The following ZNF45 variants were observed in gnomAD, a reference collection of about 807,000 sequenced individuals.
ZNF45 encodes the protein zinc finger protein 45, also known as BRC1744.
In ZNF45, 4 loss-of-function variants were observed where a neutral mutation model predicts 12.0. That is an observed-to-expected ratio of 0.33 (90% CI 0.16 to 0.76). ZNF45 has a LOEUF of 0.76. ZNF45 is among the 30% of genes least tolerant of loss of function. ZNF45 has a pLI of 0.60. For missense variants in ZNF45, 700 were observed against 813.0 expected, an observed-to-expected ratio of 0.86 and a Z score of 1.69; for synonymous variants, 272 against 279.6, an observed-to-expected ratio of 0.97 and a Z score of 0.27.
At position 43,914,753 on chromosome 19, in the gene ZNF45, C is replaced by T. The variant is rs1274281257; in HGVS notation, c.683G>A (p.Ser228Asn). Residue 228 changes from serine (S) to asparagine (N), a missense_variant, in exon 10 of 10, where the codon AGT becomes AAT. By Grantham distance (46) the Ser-to-Asn change is conservative. Transcript: ENST00000269973. Reference protein sequence around the residue: ...KSYTNDASYRSFSQRSHLPHH... With the variant: ...KSYTNDASYRNFSQRSHLPHH... ...GGGAAGATGTGACCTCTGACTAAAA[C>T]TCCTGTAACTTGCATCATTTGTGTA... The T allele has an allele frequency of 1.9e-6, 3 of 1,614,062 alleles. No homozygotes were observed. Among genetic ancestry groups the T allele is most frequent in the Non-Finnish European group, 2.5e-6 (3 of 1,180,058 alleles).
intron 9 of ZNF45, among the ~76,000 whole-genome samples, chr19:43,917,629 G>A (rs768926717): frequency 6.6e-6 from 1 of 152,126 alleles, no homozygotes; most frequent in Non-Finnish European, 1.5e-5. Flanking sequence ...GGGGTTACAG[G>A]TATGCGCCAC....
intron 9 of ZNF45, among the ~76,000 whole-genome samples, chr19:43,916,268 T>C (rs398193): frequency 0.49 from 73,798 of 151,860 alleles, 18,850 homozygotes; most frequent in East Asian, 0.81. Flanking sequence ...AAGCACACCA[T>C]CACACCTGGC....
intron 3 of ZNF45, chr19:43,929,924 T>G (rs1297079827): frequency 6.6e-6 from 1 of 152,230 alleles, no homozygotes; most frequent in Non-Finnish European, 1.5e-5. Context: ...CAACCTCTTC[T>G]GCATAGGCTG....
chr19:43,914,052 G>A lies in ZNF45; in HGVS notation c.1384C>T (p.His462Tyr). The change falls in exon 10 of 10, where the codon CAT becomes TAT. Residue 462 changes from histidine (H) to tyrosine (Y), a missense_variant. Coordinates refer to ENST00000269973, the MANE Select transcript of ZNF45 (RefSeq NM_003425.4). ...GFSQASNLLA[H>Y]QRGHTGEKPY... ...TTCTCTCCAGTGTGGCCTCTTTGAT[G>A]GGCCAGAAGATTTGAGGCCTGGCTG... is the stretch of plus-strand genomic sequence containing the variant. The A allele has an allele frequency of 6.2e-7, 1 of 1,614,132 alleles. No individual in the cohort carries two copies. The highest frequency in any genetic ancestry group is 8.5e-7 in the Non-Finnish European group (1 of 1,180,012).
At chr19:43,920,537 G>A (rs1384338798) in intron 7 of ZNF45, among the ~76,000 whole-genome samples, 4 of 48,864 alleles carry the variant, frequency 8.2e-5, no homozygotes, top group South Asian at 1.1e-3. Flanking sequence ...TTGCCGGGTG[G>A]GGGGGGGGGG....
rs566885455 is a variant in ZNF45, at chr19:43,925,886, G to T, written c.-399-428C>A. On this transcript the variant is annotated intron_variant, in intron 3 of 9. Coordinates refer to ENST00000269973, the MANE Select transcript of ZNF45 (RefSeq NM_003425.4). ...GACCTCAAGTGATCCACCCGCCTTG[G>T]CCTCCCAAAGTGCTGGGATTATAGG... 2.6e-5 allele frequency among the ~76,000 whole-genome samples: 4 copies of T among 151,834 alleles called. No individual in the cohort carries two copies. The East Asian group carries it at 5.8e-4, about 22-fold the overall frequency.
chr19:43,929,786 C>T (rs1391866918), intron 3 of ZNF45, among the ~76,000 whole-genome samples: 1 of 152,180 alleles, frequency 6.6e-6, no homozygotes, highest in Non-Finnish European at 1.5e-5. Flanking sequence ...AATCTTCTTG[C>T]AGGAACCAAG....
intron 9 of ZNF45, 146 bp downstream of exon 9, chr19:43,918,724 C>G (rs537228299): frequency 1.4e-5 from 9 of 651,626 alleles, no homozygotes; most frequent in African/African-American, 1.3e-4. Context: ...TCCAAAAGCA[C>G]CCAATAAATT....
chr19:43,919,054 A>C (rs1295679764), intron 8 of ZNF45, 92 bp from the exon 9 acceptor site: 7 of 1,032,356 alleles, frequency 6.8e-6, no homozygotes, highest in African/African-American at 1.6e-5. Context: ...TCTTCAGGAC[A>C]TCAAACTTAG....
rs750527925 is a variant in ZNF45 at position 43,913,645 on chromosome 19, G to C, written c.1791C>G (p.Ser597=). 27 of 1,612,330 alleles carry C rather than the reference G, an allele frequency of 1.7e-5. No individual in the cohort carries two copies. The highest frequency in any genetic ancestry group is 2.3e-5 in the Non-Finnish European group (27 of 1,179,600). Residue 597 remains serine, a synonymous_variant, in exon 10 of 10, where the codon TCC becomes TCG. Coordinates refer to ENST00000269973, the MANE Select transcript of ZNF45 (RefSeq NM_003425.4). ...GGACCCTCTGGTGGGCTTGAAGGTA[G>C]GATCTCTGTCTGAAGCGCTTACCAC... ...DVCGKRFRQR[S]YLQAHQRVHT...
chr19:43,916,355 A>G (rs1432636051), intron 9 of ZNF45, among the ~76,000 whole-genome samples: 3 of 152,142 alleles, frequency 2.0e-5, no homozygotes, highest in South Asian at 2.1e-4. Context: ...AGCTCAAGCT[A>G]TCCACCTGCC....
intron 9 of ZNF45, among the ~76,000 whole-genome samples, chr19:43,915,841 T>G (rs1972617476): frequency 6.6e-6 from 1 of 152,164 alleles, no homozygotes; most frequent in African/African-American, 2.4e-5. Flanking sequence ...GTGCCAAGAT[T>G]GGGGATCACT....
At chr19:43,918,473 G>A (rs940504033) in intron 9 of ZNF45, among the ~76,000 whole-genome samples, 42 of 152,150 alleles carry the variant, frequency 2.8e-4, no homozygotes, top group African/African-American at 1.0e-3. Context: ...CCTTATAAAA[G>A]AGGCCTGAGA....
chr19:43,919,247 A>T (rs1261778387), intron 8 of ZNF45, among the ~76,000 whole-genome samples: 2 of 152,214 alleles, frequency 1.3e-5, no homozygotes, highest in African/African-American at 4.8e-5. Context: ...AGTTATTGCC[A>T]AGTGCTCTGA....
At chr19:43,929,374 T>G (rs1973943449) in intron 3 of ZNF45, among the ~76,000 whole-genome samples, 1 of 152,242 alleles carries the variant, frequency 6.6e-6, no homozygotes, top group Non-Finnish European at 1.5e-5. Context: ...TACTGGCTAT[T>G]TGATATCTGC....
intron 7 of ZNF45, among the ~76,000 whole-genome samples, chr19:43,921,379 G>A (rs1973165765): frequency 6.6e-6 from 1 of 152,140 alleles, no homozygotes; most frequent in Non-Finnish European, 1.5e-5. Flanking sequence ...AATAAAATAA[G>A]TTAACATAAG....
intron 3 of ZNF45, among the ~76,000 whole-genome samples, chr19:43,929,623 A>C (rs1973964200): frequency 6.6e-6 from 1 of 152,090 alleles, no homozygotes; most frequent in African/African-American, 2.4e-5. Flanking sequence ...CATTGGCATT[A>C]ATCTCTCCAT....
intron 2 of ZNF45, among the ~76,000 whole-genome samples, chr19:43,933,987 G>T (rs1974332522): frequency 6.6e-6 from 1 of 152,060 alleles, no homozygotes; most frequent in Non-Finnish European, 1.5e-5. Flanking sequence ...GATCTCAAAT[G>T]GCTCCTCTGC....
In ZNF45 at chr19:43,914,630, A is replaced by G; in HGVS notation, c.806T>C (p.Val269Ala). 1 of 1,613,742 alleles carries G rather than the reference A, an allele frequency of 6.2e-7. No individual in the cohort carries two copies. The highest frequency in any genetic ancestry group is 8.5e-7 in the Non-Finnish European group (1 of 1,179,772). ...KSSHCQAPLI[V>A]HTGEKPYKCE... The stretch of plus-strand genomic sequence containing the variant: ...TTTATAGGGTTTCTCTCCCGTATGA[A>G]CTATCAGAGGAGCTTGACAATGTGA... Residue 269 changes from valine (V) to alanine (A), a missense_variant, in exon 10 of 10, where the codon GTT (valine) becomes GCT (alanine). By Grantham distance (64) the Val-to-Ala change is moderately conservative. Transcript: ENST00000269973.
Sources: gnomAD v4.1 joint callset for allele counts (sites outside exome capture counted in the v4.1 genomes callset) on GRCh38, gnomAD v4.1.1 for gene constraint, MANE v1.5 for transcripts, NCBI Gene and HGNC (gene_info 2026-07-23, HGNC 2026-07-21) for gene names.